SUMF1: variants seen among roughly 807,000 people sequenced by gnomAD.
SUMF1 encodes sulfatase modifying factor 1.
SUMF1 carries 48 observed loss-of-function variants against 47.6 expected under a neutral mutation model. The observed-to-expected ratio is 1.01, with a 90% CI of 0.80 to 1.28. The LOEUF (loss-of-function observed/expected upper bound fraction) is 1.28. SUMF1 is among the 50% of genes most tolerant of loss of function. The pLI is 0.00. For synonymous variants in SUMF1, 230 were observed against 192.1 expected (o/e 1.20, Z -1.63); for missense variants, 571 against 485.4 (o/e 1.18, Z -1.66).
At chr3:4,409,184 T>C (rs1194216405) in intron 7 of SUMF1, among the ~76,000 whole-genome samples, 2 of 152,126 alleles carry the variant, frequency 1.3e-5, no homozygotes, top group East Asian at 1.9e-4. Flanking sequence ...GGGATGATCA[T>C]GGCTTTTCTG....
At chr3:4,416,407 T>G (rs1274969409) in intron 6 of SUMF1, among the ~76,000 whole-genome samples, 1 of 152,234 alleles carries the variant, frequency 6.6e-6, no homozygotes, top group East Asian at 1.9e-4. Context: ...ATACTGCTAA[T>G]GACAGATGAA....
chr3:4,378,553 C>T (rs1456686961), intron 7 of SUMF1, among the ~76,000 whole-genome samples: 1 of 152,174 alleles, frequency 6.6e-6, no homozygotes, highest in East Asian at 1.9e-4. Flanking sequence ...AGGCACACTG[C>T]AAACGTGAAA....
intron 8 of SUMF1, among the ~76,000 whole-genome samples, chr3:4,272,031 C>T (rs544531066): frequency 1.3e-5 from 2 of 152,192 alleles, no homozygotes; most frequent in Non-Finnish European, 2.9e-5. Flanking sequence ...TACATGACTG[C>T]CCTCTCTTGG....
At chr3:4,218,120 A>G (rs933759134) in intron 8 of SUMF1, among the ~76,000 whole-genome samples, 3 of 152,142 alleles carry the variant, frequency 2.0e-5, no homozygotes, top group African/African-American at 7.2e-5. Flanking sequence ...TAAAAAAAAA[A>G]ATAGACACGC....
intron 8 of SUMF1, among the ~76,000 whole-genome samples, chr3:4,290,052 A>G (rs1284795016): frequency 6.6e-6 from 1 of 152,242 alleles, no homozygotes; most frequent in Non-Finnish European, 1.5e-5. Context: ...GGCACACTGT[A>G]GCCATTCAAT....
chr3:4,177,854 G>A (rs1379896083), intron 8 of SUMF1, among the ~76,000 whole-genome samples: 1 of 152,026 alleles, frequency 6.6e-6, no homozygotes, highest in Non-Finnish European at 1.5e-5. Flanking sequence ...AATGATAAAG[G>A]AGATATCACC....
At chr3:4,437,424 AAAAT>A (rs1260765070) in intron 3 of SUMF1, among the ~76,000 whole-genome samples, 1 of 152,206 alleles carries the variant, frequency 6.6e-6, no homozygotes, top group African/African-American at 2.4e-5. Context: ...TGGAATAAGA[AAAAT>A]AAAACACAGG....
At position 4,179,174 on chromosome 3, in the gene SUMF1, G is replaced by GC. The variant is rs1327267338; in HGVS notation, c.1015-110430dup. 3.3e-5 allele frequency among the ~76,000 whole-genome samples: 5 copies of GC among 152,056 alleles called. No individual in the cohort carries two copies. In the East Asian group the frequency reaches 9.6e-4, roughly 29 times the overall value. ...TACCGCTGACTTTCTTCACAGAATTGCAAAAAACTACTTTAAAGTTCATAT... is the reference window on the plus strand; with the variant it reads ...TACCGCTGACTTTCTTCACAGAATTGCCAAAAAACTACTTTAAAGTTCATAT... On this transcript the variant is annotated intron_variant and NMD_transcript_variant, in intron 8 of 12. Coordinates refer to the SUMF1 transcript ENST00000448413.
rs555945958 is a variant in SUMF1 at position 4,429,324 on chromosome 3, C to T, written c.520-9178G>A. Among the ~76,000 whole-genome samples the T allele has an allele frequency of 2.0e-5, 3 of 152,330 alleles. No individual in the cohort carries two copies. In the South Asian group the frequency reaches 6.2e-4, roughly 32 times the overall value. Reference sequence around the variant, plus strand: ...TCTGTAAGAAGGCTCCACTTAGGTTCCTTACATTGCTAGTAGCTTACTTAT... The same window carrying T: ...TCTGTAAGAAGGCTCCACTTAGGTTTCTTACATTGCTAGTAGCTTACTTAT... On this transcript the variant is annotated intron_variant, in intron 3 of 8. Transcript: ENST00000272902.
intron 8 of SUMF1, among the ~76,000 whole-genome samples, chr3:4,103,997 T>A: frequency 6.6e-6 from 1 of 152,164 alleles, no homozygotes; most frequent in Non-Finnish European, 1.5e-5. Flanking sequence ...TATATCTAAG[T>A]TTTCAGAAGT....
chr3:4,233,037 G>A (rs143768604), intron 8 of SUMF1, among the ~76,000 whole-genome samples: 1 of 152,266 alleles, frequency 6.6e-6, no homozygotes, highest in South Asian at 2.1e-4. Context: ...CTGGTGTTAA[G>A]TAAAGCAAAC....
intron 1 of SUMF1, among the ~76,000 whole-genome samples, chr3:4,464,604 A>C (rs2079895294): frequency 6.6e-6 from 1 of 152,238 alleles, no homozygotes; most frequent in Non-Finnish European, 1.5e-5. Context: ...GAGGGGAAAA[A>C]AGGCAGAAAC....
chr3:4,282,275 G>T (rs747025341), intron 8 of SUMF1, among the ~76,000 whole-genome samples: 1 of 152,024 alleles, frequency 6.6e-6, no homozygotes, highest in Non-Finnish European at 1.5e-5. Context: ...TGAATACAAG[G>T]GAAAAAGCTT....
intron 8 of SUMF1, among the ~76,000 whole-genome samples, chr3:4,304,557 G>A (rs183396028): frequency 1.2e-3 from 183 of 152,294 alleles, no homozygotes; most frequent in South Asian, 2.5e-3. Context: ...AGTATGGTTC[G>A]GAGCTTAGAC....
At chr3:4,344,567 C>T (rs992035835) in intron 8 of SUMF1, among the ~76,000 whole-genome samples, 2 of 152,128 alleles carry the variant, frequency 1.3e-5, no homozygotes, top group African/African-American at 2.4e-5. Flanking sequence ...GACAAACTCA[C>T]GAAGATGAGA....
chr3:4,322,258 A>G (rs777280151), intron 8 of SUMF1, among the ~76,000 whole-genome samples: 6 of 152,172 alleles, frequency 3.9e-5, no homozygotes, highest in Admixed American at 6.6e-5. Context: ...ATGATGTATC[A>G]ATATTGGTTC....
chr3:4,354,965 C>G (rs1687879), intron 8 of SUMF1, among the ~76,000 whole-genome samples: 36,858 of 152,122 alleles, frequency 0.24, 5,419 homozygotes, highest in African/African-American at 0.4. Flanking sequence ...GCTTGCCTTA[C>G]AGTGGCACAG....
At chr3:4,317,455 G>A (rs1698710404) in intron 8 of SUMF1, 1 of 497,720 alleles carries the variant, frequency 2.0e-6, no homozygotes, top group African/African-American at 1.9e-5. Context: ...GGCCCAGGCG[G>A]GCAGATCACT....
chr3:4,127,370 T>G (rs375326877), intron 8 of SUMF1, among the ~76,000 whole-genome samples: 49 of 152,238 alleles, frequency 3.2e-4, no homozygotes, highest in African/African-American at 1.1e-3. Flanking sequence ...TGTGAGGGTG[T>G]TGCCAAAGGA....
Sources: allele counts gnomAD v4.1 joint callset (sites outside exome capture counted in the v4.1 genomes callset), GRCh38; gene constraint gnomAD v4.1.1; transcripts MANE v1.5; gene names NCBI Gene and HGNC (gene_info 2026-07-23, HGNC 2026-07-21).